OLA1: variants seen among roughly 807,000 people sequenced by gnomAD.
OLA1 encodes the protein obg-like ATPase 1.
A neutral mutation model predicts 48.4 loss-of-function variants in OLA1; 14 were observed. The observed-to-expected ratio is 0.29, with a 90% CI of 0.19 to 0.45. The LOEUF (loss-of-function observed/expected upper bound fraction) is 0.45, where lower values mean the gene tolerates loss of function less well. OLA1 is among the 20% of genes least tolerant of loss of function. The pLI, the probability that OLA1 is intolerant of heterozygous loss-of-function variation, is 1.00. For synonymous variants in OLA1, 127 were observed against 150.4 expected (o/e 0.84, Z 1.14); for missense variants, 325 against 467.1 (o/e 0.70, Z 2.80).
At chr2:174,179,766 T>C (rs766999805) in intron 4 of OLA1, among the ~76,000 whole-genome samples, 2 of 152,092 alleles carry the variant, frequency 1.3e-5, no homozygotes, top group Non-Finnish European at 2.9e-5. Context: ...TCTGACACTG[T>C]AAGCACTTAA....
intron 7 of OLA1, among the ~76,000 whole-genome samples, chr2:174,113,880 C>T (rs1020486174): frequency 3.3e-5 from 5 of 152,046 alleles, no homozygotes; most frequent in African/African-American, 4.8e-5. Context: ...TCTTTCCAAC[C>T]GCCTGCCCTA....
chr2:174,084,655 C>A (rs1447217699), intron 7 of OLA1, among the ~76,000 whole-genome samples: 2 of 152,258 alleles, frequency 1.3e-5, no homozygotes, highest in East Asian at 3.9e-4. Flanking sequence ...GGACCAGTTA[C>A]CTTTTGCAGA....
chr2:174,204,450 T>C (rs1469487899), intron 4 of OLA1, among the ~76,000 whole-genome samples: 2 of 152,156 alleles, frequency 1.3e-5, no homozygotes, highest in Non-Finnish European at 2.9e-5. Context: ...CAACATGGTA[T>C]TGTATAACAA....
At chr2:174,135,179 A>G (rs926321501) in intron 5 of OLA1, among the ~76,000 whole-genome samples, 1 of 151,200 alleles carries the variant, frequency 6.6e-6, no homozygotes, top group African/African-American at 2.4e-5. Flanking sequence ...AAAAAAAAAA[A>G]GAAATGGGAA....
chr2:174,199,999 A>AT (rs201847497), intron 4 of OLA1, among the ~76,000 whole-genome samples: 3 of 151,952 alleles, frequency 2.0e-5, no homozygotes, highest in South Asian at 2.1e-4. Flanking sequence ...AAAGAAATTT[A>AT]TTTAAAAAAA....
intron 5 of OLA1, among the ~76,000 whole-genome samples, chr2:174,129,286 G>A (rs957976816): frequency 2.6e-5 from 4 of 151,760 alleles, no homozygotes; most frequent in African/African-American, 7.3e-5. Flanking sequence ...GTGAAACCCC[G>A]TCTCTACTAA....
At chr2:174,095,465 T>G (rs1369643499) in intron 7 of OLA1, among the ~76,000 whole-genome samples, 1 of 151,922 alleles carries the variant, frequency 6.6e-6, no homozygotes, top group African/African-American at 2.4e-5. Flanking sequence ...TCATGCTTGT[T>G]GGCCACTTGT....
chr2:174,192,668 G>A (rs368383615), intron 4 of OLA1, among the ~76,000 whole-genome samples: 2 of 152,028 alleles, frequency 1.3e-5, no homozygotes, highest in South Asian at 2.1e-4. Context: ...AACATTTCTT[G>A]TAGAGTAGGT....
intron 7 of OLA1, among the ~76,000 whole-genome samples, chr2:174,085,021 G>A (rs1371927590): frequency 6.6e-6 from 1 of 152,216 alleles, no homozygotes; most frequent in Non-Finnish European, 1.5e-5. Context: ...TGTCTGAGCA[G>A]ATTACTGCAA....
In OLA1 at chr2:174,222,910, C is replaced by T. The variant is rs1574562558; in HGVS notation, c.373+123G>A. The T allele has an allele frequency of 2.9e-6, 3 of 1,026,412 alleles. No homozygotes were observed. In the Admixed American group the frequency reaches 8.6e-5, roughly 29 times the overall value. 63.6% of individuals were successfully genotyped at this position (1,026,412 alleles called of 1,614,324 possible). On this transcript the variant is annotated intron_variant, in intron 4 of 10. Coordinates refer to ENST00000284719, the MANE Select transcript of OLA1 (RefSeq NM_013341.5). ...TAAAGTCACAGATTTACAGACAAACCCAAGATTCATCTGGTAAAGCAAAGC... is the reference window on the plus strand; with the variant it reads ...TAAAGTCACAGATTTACAGACAAACTCAAGATTCATCTGGTAAAGCAAAGC...
intron 3 of OLA1, among the ~76,000 whole-genome samples, chr2:174,228,336 ATTAC>A (rs951402710): frequency 6.6e-6 from 1 of 152,154 alleles, no homozygotes; most frequent in African/African-American, 2.4e-5. Flanking sequence ...ATTAGAAATT[ATTAC>A]TTAAGTCTGT....
chr2:174,075,282 T>C lies in OLA1; in HGVS notation c.*144A>G, dbSNP rs146044287. On this transcript the variant is annotated 3_prime_UTR_variant, in exon 11 of 11. Coordinates refer to ENST00000284719, the MANE Select transcript of OLA1 (RefSeq NM_013341.5). ...GGGGGGGGGGTACACAGTATTTTAATTTTAAAACAAATAAAAATAATTTGT... is the reference window on the plus strand; with the variant it reads ...GGGGGGGGGGTACACAGTATTTTAACTTTAAAACAAATAAAAATAATTTGT... The C allele has an allele frequency of 5.0e-3, 2,874 of 572,332 alleles. 40 individuals carry two copies. Among genetic ancestry groups the C allele is most frequent in the Middle Eastern group, 0.033 (67 of 2,054 alleles). The allele number at this position is 572,332 out of a possible 1,614,324, so 35.5% of individuals were successfully genotyped here. A position where few individuals can be genotyped will look rare whatever the true frequency, so the allele number is the denominator to read the frequency against.
At chr2:174,104,776 T>C (rs1036878146) in intron 7 of OLA1, among the ~76,000 whole-genome samples, 1 of 152,024 alleles carries the variant, frequency 6.6e-6, no homozygotes, top group African/African-American at 2.4e-5. Context: ...AAAATAATTA[T>C]GCAATTCCGG....
At chr2:174,186,137 G>A (rs1206483571) in intron 4 of OLA1, among the ~76,000 whole-genome samples, 1 of 152,082 alleles carries the variant, frequency 6.6e-6, no homozygotes, top group African/African-American at 2.4e-5. Flanking sequence ...AACATATCAT[G>A]TTTTTGAATG....
Position 174,141,936 on chromosome 2 carries a change from T to A in OLA1, c.438A>T (p.Glu146Asp). ...TAAGCTGAAGCTCTTCATGTATTAT[T>A]TCTATATCTCGAATAGGATCTACAC... is the stretch of plus-strand genomic sequence containing the variant. ...EGSVDPIRDIEIIHEELQLKD... is the reference protein window; with the variant it reads ...EGSVDPIRDIDIIHEELQLKD... The change falls in exon 5 of 11, where the codon GAA (glutamate) becomes GAT (aspartate). Residue 146 changes from glutamate (E) to aspartate (D), a missense_variant. Coordinates refer to ENST00000284719, the MANE Select transcript of OLA1 (RefSeq NM_013341.5). 6.3e-7 allele frequency: 1 copy of A among 1,592,380 alleles called. No homozygotes were observed. Among genetic ancestry groups the A allele is most frequent in the Non-Finnish European group, 8.5e-7 (1 of 1,170,580 alleles).
At position 174,105,238 on chromosome 2, in the gene OLA1, A is replaced by C. The variant is rs894960411; in HGVS notation, c.728+17942T>G. On this transcript the variant is annotated intron_variant, in intron 7 of 10. Transcript: ENST00000284719. ...GGGAAAAACTACACTATAGTCCTTG[A>C]GAAAAATCAATGAGTAGTTCCTACA... 6.6e-5 allele frequency among the ~76,000 whole-genome samples: 10 copies of C among 152,014 alleles called. 1 individual carries two copies. The highest frequency in any genetic ancestry group is 2.4e-4 in the African/African-American group (10 of 41,446).
At chr2:174,157,816 G>A (rs1251132057) in intron 4 of OLA1, among the ~76,000 whole-genome samples, 1 of 152,092 alleles carries the variant, frequency 6.6e-6, no homozygotes, top group Admixed American at 6.6e-5. Flanking sequence ...TTACACAATA[G>A]AGATCACATT....
At chr2:174,109,578 T>C (rs1685599769) in intron 7 of OLA1, among the ~76,000 whole-genome samples, 1 of 152,208 alleles carries the variant, frequency 6.6e-6, no homozygotes, top group Non-Finnish European at 1.5e-5. Context: ...TGTTTGTCTT[T>C]GAATACGGGA....
At chr2:174,137,367 G>A (rs1280937667) in intron 5 of OLA1, among the ~76,000 whole-genome samples, 1 of 121,834 alleles carries the variant, frequency 8.2e-6, no homozygotes, top group Non-Finnish European at 1.7e-5. Context: ...TATAGCACAG[G>A]CAGAATAGAT....
Sources: gnomAD v4.1 joint callset for allele counts (sites outside exome capture counted in the v4.1 genomes callset) on GRCh38, gnomAD v4.1.1 for gene constraint, MANE v1.5 for transcripts, NCBI Gene and HGNC (gene_info 2026-07-23, HGNC 2026-07-21) for gene names.